Variants in LGR5 observed in about 807,000 individuals in gnomAD.
LGR5 encodes the protein leucine-rich repeat-containing G protein-coupled receptor 5.
In LGR5, 54 loss-of-function variants were observed where a neutral mutation model predicts 76.7. The ratio of observed to expected loss-of-function variants is 0.70; its 90% CI spans 0.57 to 0.88. The LOEUF (loss-of-function observed/expected upper bound fraction) is 0.88, where lower values mean the gene tolerates loss of function less well. Among genes scored for constraint, LGR5 ranks in the 40% least tolerant of loss-of-function variants. The pLI is 0.00. For missense variants in LGR5, 1,078 were observed against 1,073.3 expected (o/e 1.00, Z -0.06); for synonymous variants, 406 against 421.9 (o/e 0.96, Z 0.46).
chr12:71,545,253 C>T (rs1191444067), intron 4 of LGR5, among the ~76,000 whole-genome samples: 1 of 152,172 alleles, frequency 6.6e-6, no homozygotes, highest in Non-Finnish European at 1.5e-5. Flanking sequence ...TGAGACCAAC[C>T]TGGCCAACAT....
At position 71,440,078 on chromosome 12, in the gene LGR5, A is replaced by T; in HGVS notation, c.-3A>T. The T allele has an allele frequency of 1.2e-6, 2 of 1,601,050 alleles. No homozygotes were observed. The highest frequency in any genetic ancestry group is 8.5e-7 in the Non-Finnish European group (1 of 1,179,682). On this transcript the variant is annotated 5_prime_UTR_variant, in exon 1 of 18. Coordinates refer to ENST00000266674, the MANE Select transcript of LGR5 (RefSeq NM_003667.4). The surrounding 1 kb of genome is among the most constrained non-coding windows in gnomAD (Gnocchi z 5.3). ...CGGCTCGTGGCCCCCTACTTCGGGC[A>T]CCATGGACACCTCCCGGCTCGGTGT...
chr12:71,556,872 T>G (rs1433185006), intron 6 of LGR5, among the ~76,000 whole-genome samples, 182 bp downstream of exon 6: 6 of 152,212 alleles, frequency 3.9e-5, no homozygotes, highest in Admixed American at 3.9e-4. Context: ...AAAACTGGGA[T>G]TTTATTTTAA....
At chr12:71,474,532 T>C (rs929508670) in intron 1 of LGR5, among the ~76,000 whole-genome samples, 1 of 152,246 alleles carries the variant, frequency 6.6e-6, no homozygotes, top group African/African-American at 2.4e-5. Flanking sequence ...TATTTTAAAA[T>C]CGACCCAGTA....
chr12:71,539,620 G>A lies in LGR5; in HGVS notation c.428+4434G>A, dbSNP rs539838978. Among the ~76,000 whole-genome samples, 5 of 152,258 alleles carry A rather than the reference G, an allele frequency of 3.3e-5. No homozygotes were observed. In the South Asian group the frequency reaches 1.0e-3, roughly 32 times the overall value. ...AGCCTCCTAAGTAGCTGGAATTACA[G>A]GCACCTGCCACCACGGCTGGCTAAT... is the stretch of plus-strand genomic sequence containing the variant. On this transcript the variant is annotated intron_variant, in intron 4 of 17. Transcript: ENST00000266674.
At chr12:71,461,707 A>G (rs35364607) in intron 1 of LGR5, among the ~76,000 whole-genome samples, 17,820 of 152,000 alleles carry the variant, frequency 0.12, 1,748 homozygotes, top group African/African-American at 0.27. Context: ...TTTCATTACC[A>G]CCCAGTCACT....
intron 14 of LGR5, 78 bp downstream of exon 14, chr12:71,578,074 G>C: frequency 8.8e-7 from 1 of 1,142,266 alleles, no homozygotes; most frequent in Non-Finnish European, 1.3e-6. Flanking sequence ...AGTTGGTTTT[G>C]TTGAAGAAGC....
intron 7 of LGR5, 21 bp from the exon 8 acceptor site, chr12:71,561,760 T>A (rs1275236205): frequency 6.6e-7 from 1 of 1,512,866 alleles, no homozygotes; most frequent in Non-Finnish European, 9.0e-7. Context: ...GGATTTTTTA[T>A]AATTTTTTTT....
intron 1 of LGR5, among the ~76,000 whole-genome samples, chr12:71,467,008 GTT>G (rs35895844): frequency 6.8e-6 from 1 of 146,808 alleles, no homozygotes. Context: ...TGTGGACCAG[GTT>G]TTTTTTTTTT....
In LGR5 at chr12:71,524,477, T is replaced by C. The variant is rs1171514075; in HGVS notation, c.356T>C (p.Leu119Pro). The C allele has an allele frequency of 3.1e-6, 5 of 1,603,588 alleles. No individual in the cohort carries two copies. The highest frequency in any genetic ancestry group is 4.3e-6 in the Non-Finnish European group (5 of 1,170,860). Reference sequence around the variant, plus strand: ...ACTGGCCTTTACAGTCTTAAAGTTCTGTAAGTAAACTGAGTGTTGTTGGAT... The same window carrying C: ...ACTGGCCTTTACAGTCTTAAAGTTCCGTAAGTAAACTGAGTGTTGTTGGAT... ...AFTGLYSLKVLMLQNNQLRHV... is the reference protein window; with the variant it reads ...AFTGLYSLKVPMLQNNQLRHV... The change falls in exon 3 of 18, where the codon CTT becomes CCT. Residue 119 changes from leucine to proline, a missense_variant and splice_region_variant. Physicochemically the swap from Leu to Pro is moderately conservative, Grantham distance 98 (BLOSUM62 -3). Coordinates refer to ENST00000266674, the MANE Select transcript of LGR5 (RefSeq NM_003667.4).
intron 1 of LGR5, among the ~76,000 whole-genome samples, chr12:71,484,228 G>A (rs1180604213): frequency 1.3e-5 from 2 of 151,958 alleles, no homozygotes; most frequent in African/African-American, 4.8e-5. Context: ...AGAACCTTAG[G>A]GTATTCCTGG....
At chr12:71,550,887 A>G (rs1334710828) in intron 4 of LGR5, among the ~76,000 whole-genome samples, 2 of 152,242 alleles carry the variant, frequency 1.3e-5, no homozygotes, top group African/African-American at 4.8e-5. Context: ...GAGAGTTTAC[A>G]TGTGTGCTTT....
intron 1 of LGR5, among the ~76,000 whole-genome samples, chr12:71,462,737 C>A (rs1460697796): frequency 6.6e-6 from 1 of 152,150 alleles, no homozygotes; most frequent in East Asian, 1.9e-4. Flanking sequence ...CTGACTAATT[C>A]CGTCTTCCTC....
chr12:71,551,359 CAGG>C (rs1319884223), intron 4 of LGR5, among the ~76,000 whole-genome samples: 2 of 152,196 alleles, frequency 1.3e-5, no homozygotes, highest in Non-Finnish European at 2.9e-5. Context: ...TTTTGGTTTG[CAGG>C]AGATTATTTT....
chr12:71,506,370 CTTTG>C lies in LGR5; in HGVS notation c.284+1689_284+1692del, dbSNP rs1485397151. Among the ~76,000 whole-genome samples, 10 of 152,116 alleles carry C rather than the reference CTTTG, an allele frequency of 6.6e-5. 1 individual carries two copies. In the East Asian group the frequency reaches 1.9e-3, roughly 29 times the overall value. Reference sequence around the variant, plus strand: ...AATAAATAATTCACTTCCCCAAGGACTTTGTTTAATAGATTTCCTCCCTCAGTGA... The same window carrying C: ...AATAAATAATTCACTTCCCCAAGGACTTTAATAGATTTCCTCCCTCAGTGA... On this transcript the variant is annotated intron_variant, in intron 2 of 17. Coordinates refer to ENST00000266674, the MANE Select transcript of LGR5 (RefSeq NM_003667.4).
At chr12:71,498,290 A>G (rs1200958528) in intron 1 of LGR5, among the ~76,000 whole-genome samples, 1 of 152,202 alleles carries the variant, frequency 6.6e-6, no homozygotes, top group Admixed American at 6.5e-5. Flanking sequence ...TCTATACCTC[A>G]TGCTCTTAGA....
At chr12:71,458,566 A>G (rs1259335819) in intron 1 of LGR5, among the ~76,000 whole-genome samples, 1 of 152,160 alleles carries the variant, frequency 6.6e-6, no homozygotes, top group Non-Finnish European at 1.5e-5. Context: ...GTGTTTTAAA[A>G]TGTAAGTCTG....
At chr12:71,454,631 T>G (rs922859880) in intron 1 of LGR5, among the ~76,000 whole-genome samples, 1 of 151,912 alleles carries the variant, frequency 6.6e-6, no homozygotes, top group African/African-American at 2.4e-5. Context: ...GAAGTTCAAG[T>G]CAGGGAGAAG....
intron 16 of LGR5, among the ~76,000 whole-genome samples, chr12:71,581,862 T>A (rs916304809): frequency 6.6e-6 from 1 of 152,210 alleles, no homozygotes; most frequent in Non-Finnish European, 1.5e-5. Context: ...ATAGCAACTT[T>A]TAAAAAATAT....
chr12:71,496,370 C>CAAAA lies in LGR5; in HGVS notation c.213-8225_213-8222dup, dbSNP rs67593850. Among the ~76,000 whole-genome samples, 188 of 99,350 alleles carry CAAAA rather than the reference C, an allele frequency of 1.9e-3. 3 individuals carry two copies. Among genetic ancestry groups the CAAAA allele is most frequent in the African/African-American group, 5.8e-3 (133 of 23,100 alleles). The allele number at this position is 99,350 out of a possible 152,430, so 65.2% of individuals were successfully genotyped here. On this transcript the variant is annotated intron_variant, in intron 1 of 17. Coordinates refer to ENST00000266674, the MANE Select transcript of LGR5 (RefSeq NM_003667.4). ...GCAACAGAGGAAGACTCCATCTCAA[C>CAAAA]AAAAAAAAAAAAAAAAAAAAAAGAG...
Sources: gnomAD v4.1 joint callset for allele counts (sites outside exome capture counted in the v4.1 genomes callset) on GRCh38, gnomAD v4.1.1 for gene constraint, Gnocchi (gnomAD v3.1) non-coding constraint, MANE v1.5 for transcripts, NCBI Gene and HGNC (gene_info 2026-07-23, HGNC 2026-07-21) for gene names.